AGBL1: variants seen among roughly 807,000 people sequenced by gnomAD.
AGBL1 encodes the protein AGBL carboxypeptidase 1.
Under a neutral mutation model 118.9 loss-of-function variants are expected in AGBL1, and 130 were observed. The ratio of observed to expected loss-of-function variants is 1.09; its 90% CI spans 0.95 to 1.26. The LOEUF (loss-of-function observed/expected upper bound fraction) is 1.26. Ranked by LOEUF, AGBL1 falls within the 50% of genes most tolerant of loss-of-function variation. The probability of loss-of-function intolerance (pLI) is 0.00; values close to 1 mark genes in which losing one functional copy is unlikely to be tolerated. For missense variants in AGBL1, 1,584 were observed against 1,298.1 expected (o/e 1.22, Z -3.38); for synonymous variants, 555 against 478.9 (o/e 1.16, Z -2.08).
At chr15:86,840,355 G>T (rs1030746508) in intron 22 of AGBL1, among the ~76,000 whole-genome samples, 1 of 152,188 alleles carries the variant, frequency 6.6e-6, no homozygotes, top group Non-Finnish European at 1.5e-5. Flanking sequence ...ATTGCTCCAA[G>T]ATGACACTGT....
chr15:86,669,212 C>T (rs896022567), intron 21 of AGBL1, among the ~76,000 whole-genome samples: 2 of 152,080 alleles, frequency 1.3e-5, no homozygotes, highest in African/African-American at 4.8e-5. Flanking sequence ...AGAAACACTG[C>T]ATATGCAGGA....
At chr15:86,696,405 G>C (rs1247541560) in intron 22 of AGBL1, among the ~76,000 whole-genome samples, 1 of 151,636 alleles carries the variant, frequency 6.6e-6, no homozygotes. Flanking sequence ...AGCTACTCCT[G>C]CTTGCTTTTG....
chr15:86,320,229 C>T (rs62015579), intron 17 of AGBL1, among the ~76,000 whole-genome samples: 2 of 152,108 alleles, frequency 1.3e-5, no homozygotes, highest in African/African-American at 4.8e-5. Context: ...ATATCTAATG[C>T]TCCTCTCCAA....
intron 22 of AGBL1, among the ~76,000 whole-genome samples, chr15:86,809,368 C>T (rs932604300): frequency 6.6e-6 from 1 of 152,144 alleles, no homozygotes; most frequent in Non-Finnish European, 1.5e-5. Flanking sequence ...AGCCCCTGTC[C>T]TTAAAAGTTA....
intron 18 of AGBL1, among the ~76,000 whole-genome samples, chr15:86,421,261 C>A (rs1459901160): frequency 1.3e-5 from 2 of 152,142 alleles, no homozygotes; most frequent in African/African-American, 4.8e-5. Context: ...AACAGCATAT[C>A]TCTCTATGGA....
intron 21 of AGBL1, among the ~76,000 whole-genome samples, chr15:86,653,791 A>G (rs2085417368): frequency 1.3e-5 from 2 of 152,182 alleles, no homozygotes; most frequent in Admixed American, 6.6e-5. Context: ...GCTGCAGAGA[A>G]ATAAACACGA....
intron 3 of AGBL1, among the ~76,000 whole-genome samples, chr15:86,150,331 A>C (rs992736849): frequency 6.6e-6 from 1 of 152,196 alleles, no homozygotes; most frequent in African/African-American, 2.4e-5. Flanking sequence ...AAATCAATGA[A>C]TCCAGGACCT....
In AGBL1 at chr15:86,726,165, G is replaced by A. The variant is rs964191099; in HGVS notation, c.3158+51729G>A. 9.9e-5 allele frequency among the ~76,000 whole-genome samples: 15 copies of A among 152,172 alleles called. 2 individuals are homozygous for A. The highest frequency in any genetic ancestry group is 9.8e-4 in the Admixed American group (15 of 15,282). ...TAACTTATTAGATGCCATAAACAAA[G>A]CCCTGAGATGCTTATCAAATTCTGC... On this transcript the variant is annotated intron_variant, in intron 22 of 22. Transcript: ENST00000614907.
At chr15:86,351,554 A>G (rs2080626437) in intron 17 of AGBL1, among the ~76,000 whole-genome samples, 1 of 152,168 alleles carries the variant, frequency 6.6e-6, no homozygotes, top group African/African-American at 2.4e-5. Context: ...TGAAGGTTGA[A>G]GGCCACTCCT....
chr15:86,534,311 A>G (rs2083392785), intron 19 of AGBL1, among the ~76,000 whole-genome samples: 1 of 152,150 alleles, frequency 6.6e-6, no homozygotes, highest in Non-Finnish European at 1.5e-5. Context: ...GAAAAGCCAG[A>G]GATTAGAAGT....
chr15:86,153,590 A>T (rs895932765), intron 3 of AGBL1, among the ~76,000 whole-genome samples: 3 of 152,228 alleles, frequency 2.0e-5, no homozygotes, highest in Non-Finnish European at 4.4e-5. Context: ...GCAAACCAAC[A>T]CAGCACATGT....
chr15:86,500,558 G>C (rs2082906399), intron 18 of AGBL1, among the ~76,000 whole-genome samples: 2 of 151,528 alleles, frequency 1.3e-5, no homozygotes, highest in Admixed American at 1.3e-4. Context: ...AGTGGGTAAA[G>C]TGGTTTTTAA....
chr15:86,523,305 C>CTT (rs1228007991), intron 19 of AGBL1, among the ~76,000 whole-genome samples: 2 of 152,210 alleles, frequency 1.3e-5, no homozygotes, highest in Non-Finnish European at 2.9e-5. Context: ...TAACTCTAAT[C>CTT]TTTGCCTCTG....
chr15:86,536,603 C>G (rs948264256), intron 19 of AGBL1, among the ~76,000 whole-genome samples: 1 of 152,186 alleles, frequency 6.6e-6, no homozygotes, highest in Non-Finnish European at 1.5e-5. Flanking sequence ...GCCACTGTGC[C>G]TGGTCAAAAA....
intron 17 of AGBL1, among the ~76,000 whole-genome samples, chr15:86,364,958 C>CACACATATATATATATATAT (rs1474501613): frequency 2.6e-5 from 2 of 76,138 alleles, no homozygotes; most frequent in South Asian, 4.5e-4. Flanking sequence ...ATATGTCACA[C>CACACATATATATATATATAT]ATATATATAT....
intron 5 of AGBL1, among the ~76,000 whole-genome samples, chr15:86,196,848 C>T (rs1230950132): frequency 1.4e-5 from 2 of 146,206 alleles, no homozygotes; most frequent in Admixed American, 6.8e-5. Context: ...CCTCTCCCTG[C>T]ATATGCGAAT....
chr15:86,228,637 A>C (rs541577191), intron 6 of AGBL1, among the ~76,000 whole-genome samples: 2 of 152,172 alleles, frequency 1.3e-5, no homozygotes, highest in Non-Finnish European at 2.9e-5. Context: ...GGAGACTTGG[A>C]GTCTACCCAC....
chr15:86,467,976 C>T (rs1596151665), intron 18 of AGBL1, among the ~76,000 whole-genome samples: 1 of 152,100 alleles, frequency 6.6e-6, no homozygotes, highest in African/African-American at 2.4e-5. Flanking sequence ...GTTTATTTCA[C>T]CTTTACAGAT....
intron 22 of AGBL1, among the ~76,000 whole-genome samples, chr15:86,733,723 A>T (rs889115112): frequency 6.6e-6 from 1 of 152,200 alleles, no homozygotes; most frequent in African/African-American, 2.4e-5. Context: ...TTAGCCATTT[A>T]TAAAGAAAAG....
Sources: gnomAD v4.1 joint callset for allele counts (sites outside exome capture counted in the v4.1 genomes callset) on GRCh38, gnomAD v4.1.1 for gene constraint, MANE v1.5 for transcripts, NCBI Gene and HGNC (gene_info 2026-07-23, HGNC 2026-07-21) for gene names.